Variants in ACVR1 observed in about 807,000 individuals in gnomAD.
The protein encoded by ACVR1 is activin receptor type-1.
A neutral mutation model predicts 57.1 loss-of-function variants in ACVR1; 38 were observed. The observed-to-expected ratio is 0.67, with a 90% confidence interval of 0.51 to 0.87. The LOEUF is 0.87. Ranked by LOEUF, ACVR1 falls within the 40% of genes least tolerant of loss-of-function variation. The pLI is 0.00. For synonymous variants in ACVR1, 212 were observed against 228.1 expected (o/e 0.93, Z 0.63); for missense variants, 463 against 638.2 (o/e 0.73, Z 2.96).
chr2:157,866,869 ATCAT>A (rs1281556311), intron 1 of ACVR1, among the ~76,000 whole-genome samples: 4 of 152,328 alleles, frequency 2.6e-5, no homozygotes, highest in Admixed American at 6.5e-5. Flanking sequence ...GGTTCATTTT[ATCAT>A]TCAGACCTCA....
chr2:157,770,317 C>T, intron 7 of ACVR1, 51 bp downstream of exon 7: 1 of 1,597,556 alleles, frequency 6.3e-7, no homozygotes, highest in Non-Finnish European at 8.6e-7. Flanking sequence ...CAAAGGCAGA[C>T]AATTGTTTCT....
At chr2:157,738,902 C>T (rs1043963740) in intron 9 of ACVR1, among the ~76,000 whole-genome samples, 1 of 152,136 alleles carries the variant, frequency 6.6e-6, no homozygotes, top group East Asian at 1.9e-4. Context: ...AGACATAGAA[C>T]AAAAATTCCT....
chr2:157,758,739 C>T (rs1319293797), intron 9 of ACVR1, among the ~76,000 whole-genome samples: 1 of 151,922 alleles, frequency 6.6e-6, no homozygotes, highest in African/African-American at 2.4e-5. Context: ...CCAACAGCTA[C>T]AGACTACACA....
chr2:157,838,554 T>C (rs2105352470), intron 1 of ACVR1, among the ~76,000 whole-genome samples: 1 of 152,212 alleles, frequency 6.6e-6, no homozygotes, highest in Non-Finnish European at 1.5e-5. Context: ...TTAGGAAAAA[T>C]GTGGCGCCAT....
chr2:157,759,764 CT>C (rs1430828190), intron 9 of ACVR1, among the ~76,000 whole-genome samples: 1 of 152,134 alleles, frequency 6.6e-6, no homozygotes, highest in African/African-American at 2.4e-5. Flanking sequence ...GGGATTTATT[CT>C]TGGGATGCAA....
At chr2:157,750,028 C>T (rs781082942) in intron 9 of ACVR1, among the ~76,000 whole-genome samples, 13 of 152,268 alleles carry the variant, frequency 8.5e-5, no homozygotes, top group East Asian at 1.9e-4. Flanking sequence ...AGGATGAGCC[C>T]GCCCAGCCTG....
chr2:157,774,306 G>T, intron 5 of ACVR1, 119 bp from the exon 6 acceptor site: 1 of 770,902 alleles, frequency 1.3e-6, no homozygotes. Context: ...CACGTGGCCT[G>T]TTAGTGTACA....
intron 1 of ACVR1, chr2:157,860,270 G>C (rs955502001): frequency 2.0e-5 from 3 of 152,328 alleles, no homozygotes; most frequent in South Asian, 4.1e-4. Flanking sequence ...CTTCGGCAGT[G>C]AAAGTCTGGC....
At chr2:157,815,885 CA>C (rs1687917946) in intron 2 of ACVR1, among the ~76,000 whole-genome samples, 3 of 152,174 alleles carry the variant, frequency 2.0e-5, no homozygotes. Context: ...AGTCCAATGT[CA>C]ACAGTCATGG....
intron 1 of ACVR1, among the ~76,000 whole-genome samples, chr2:157,839,311 T>C (rs1688896080): frequency 6.6e-6 from 1 of 152,212 alleles, no homozygotes; most frequent in Admixed American, 6.5e-5. Context: ...GACAGCCAAA[T>C]TGCTGCATGC....
chr2:157,824,700 A>G (rs1235727075), intron 1 of ACVR1, among the ~76,000 whole-genome samples: 1 of 152,124 alleles, frequency 6.6e-6, no homozygotes, highest in Non-Finnish European at 1.5e-5. Context: ...AGATTCCACA[A>G]AAGACAGACA....
At chr2:157,810,980 C>G (rs767858773) in intron 2 of ACVR1, among the ~76,000 whole-genome samples, 1 of 152,144 alleles carries the variant, frequency 6.6e-6, no homozygotes, top group Non-Finnish European at 1.5e-5. Context: ...GCCTCACCCC[C>G]TAGAGATTTT....
At position 157,780,410 on chromosome 2, in the gene ACVR1, G is replaced by A. The variant is rs1304523905; in HGVS notation, c.258C>T (p.Ser86=). The A allele has an allele frequency of 3.1e-6, 5 of 1,614,136 alleles. No individual in the cohort carries two copies. The highest frequency in any genetic ancestry group is 2.2e-5 in the East Asian group (1 of 44,880). ...GGCAGCACTCCACGGCTTGGCCAGG[G>A]GACGGCGGGGTCTTACAGGTCATCT... ...QGKMTCKTPP[S]PGQAVECCQG... is the part of the protein sequence containing the mutation. Residue 86 remains serine, a synonymous_variant, in exon 4 of 11, where the codon TCC becomes TCT. Transcript: ENST00000434821.
At chr2:157,843,962 G>A (rs1304657886) in intron 1 of ACVR1, among the ~76,000 whole-genome samples, 1 of 152,142 alleles carries the variant, frequency 6.6e-6, no homozygotes, top group South Asian at 2.1e-4. Context: ...GGAGCTATTC[G>A]CAGATAATCT....
intron 9 of ACVR1, among the ~76,000 whole-genome samples, chr2:157,757,029 TATATATATATATATAA>T (rs1685464243): frequency 1.5e-5 from 2 of 129,122 alleles, no homozygotes; most frequent in African/African-American, 6.7e-5. Flanking sequence ...TTGATATATA[TATATATATATATATAA>T]AATAGAATAC....
intron 3 of ACVR1, among the ~76,000 whole-genome samples, chr2:157,788,909 C>T (rs1487627421): frequency 6.6e-6 from 1 of 152,160 alleles, no homozygotes; most frequent in Non-Finnish European, 1.5e-5. Context: ...GTCCAGAACT[C>T]CATGAAAGGT....
At chr2:157,826,908 A>G (rs1559080905) in intron 1 of ACVR1, among the ~76,000 whole-genome samples, 1 of 148,826 alleles carries the variant, frequency 6.7e-6, no homozygotes, top group Non-Finnish European at 1.5e-5. Flanking sequence ...GTAGGAAAAG[A>G]AAGGAAGGAA....
intron 3 of ACVR1, among the ~76,000 whole-genome samples, chr2:157,784,172 G>A (rs1162413804): frequency 6.6e-6 from 1 of 152,178 alleles, no homozygotes; most frequent in Non-Finnish European, 1.5e-5. Context: ...GTGTGGGCCT[G>A]TGATATTTTA....
chr2:157,771,105 G>A (rs150082601), intron 6 of ACVR1, among the ~76,000 whole-genome samples: 2 of 152,282 alleles, frequency 1.3e-5, no homozygotes, highest in East Asian at 1.9e-4. Context: ...CTAGAAGATC[G>A]ACATGCAGCC....
Sources: allele counts gnomAD v4.1 joint callset (sites outside exome capture counted in the v4.1 genomes callset), GRCh38; gene constraint gnomAD v4.1.1; transcripts MANE v1.5; gene names NCBI Gene and HGNC (gene_info 2026-07-23, HGNC 2026-07-21).